The following TRAPPC2 variants were observed in gnomAD, a reference collection of about 807,000 sequenced individuals.
TRAPPC2 encodes the protein trafficking protein particle complex subunit 2, also known as sedlin.
A neutral mutation model predicts 10.0 loss-of-function variants in TRAPPC2; 4 were observed. The ratio of observed to expected loss-of-function variants is 0.40; its 90% CI spans 0.20 to 0.92. The LOEUF is 0.92. TRAPPC2 is among the 40% of genes least tolerant of loss of function. The pLI is 0.35. For synonymous variants in TRAPPC2, 36 were observed against 37.3 expected, an observed-to-expected ratio of 0.97 and a Z score of 0.12; for missense variants, 52 against 108.7, an observed-to-expected ratio of 0.48 and a Z score of 2.32.
rs184171082 is a variant in TRAPPC2, at chrX:13,730,016, G to A, written c.-20+4028C>T. Among the ~76,000 whole-genome samples, 310 of 111,953 alleles carry A rather than the reference G, an allele frequency of 2.8e-3. 6 individuals carry two copies. The Admixed American group carries it at 0.029, about 11-fold the overall frequency. Reference sequence around the variant, plus strand: ...CATTCAGGACACAGGCATGGGCAAGGACTTCATGACTAAAACACCAAAAGC... The same window carrying A: ...CATTCAGGACACAGGCATGGGCAAGAACTTCATGACTAAAACACCAAAAGC... On this transcript the variant is annotated intron_variant, in intron 2 of 5. Coordinates refer to ENST00000380579, the MANE Select transcript of TRAPPC2 (RefSeq NM_001011658.4).
chrX:13,730,102 G>A (rs1383522435), intron 2 of TRAPPC2, among the ~76,000 whole-genome samples: 4 of 110,717 alleles, frequency 3.6e-5, no homozygotes, highest in African/African-American at 9.9e-5. Context: ...GCTTCTGCAC[G>A]GCAAAAGAAA....
At chrX:13,728,492 A>T in intron 2 of TRAPPC2, among the ~76,000 whole-genome samples, 1 of 112,355 alleles carries the variant, frequency 8.9e-6, no homozygotes. Flanking sequence ...AGAACCAACG[A>T]CAAAATCCAC....
chrX:13,713,458 C>T lies in TRAPPC2; in HGVS notation c.*949G>A, dbSNP rs2106707. Reference sequence around the variant, plus strand: ...GGAGCAAGACTCCATCTCAAAAAAACAAAAAACAAAAAACAAAAACAAAAA... The same window carrying T: ...GGAGCAAGACTCCATCTCAAAAAAATAAAAAACAAAAAACAAAAACAAAAA... On this transcript the variant is annotated 3_prime_UTR_variant, in exon 6 of 6. Transcript: ENST00000380579. 15 of 30,957 alleles carry T rather than the reference C, an allele frequency of 4.8e-4. No homozygotes were observed. The highest frequency in any genetic ancestry group is 1.7e-3 in the African/African-American group (15 of 8,665). 2.6% of individuals were successfully genotyped at this position (30,957 alleles called of 1,213,427 possible). A position where few individuals can be genotyped will look rare whatever the true frequency, so the allele number is the denominator to read the frequency against.
chrX:13,733,377 A>T (rs2046723667), intron 2 of TRAPPC2, among the ~76,000 whole-genome samples: 1 of 110,939 alleles, frequency 9.0e-6, no homozygotes, highest in Non-Finnish European at 1.9e-5. Context: ...TCCCAAATTC[A>T]CTTTGACTAT....
chrX:13,729,685 T>C (rs1197487929), intron 2 of TRAPPC2, among the ~76,000 whole-genome samples: 1 of 111,543 alleles, frequency 9.0e-6, no homozygotes, highest in Admixed American at 9.5e-5. Context: ...GAGGTGGTCA[T>C]ATCACCTGAG....
chrX:13,732,900 T>G (rs2046706750), intron 2 of TRAPPC2, among the ~76,000 whole-genome samples: 1 of 112,953 alleles, frequency 8.9e-6, no homozygotes, highest in Admixed American at 9.3e-5. Flanking sequence ...ATTTCAGTTG[T>G]TCCATAAACC....
At chrX:13,726,342 G>C (rs2046551092) in intron 2 of TRAPPC2, among the ~76,000 whole-genome samples, 1 of 111,837 alleles carries the variant, frequency 8.9e-6, no homozygotes, top group African/African-American at 3.3e-5. Context: ...GGAAAAAAAT[G>C]TTAAGGGCAG....
intron 3 of TRAPPC2, among the ~76,000 whole-genome samples, chrX:13,717,936 A>G (rs1361941663): frequency 2.7e-5 from 3 of 111,821 alleles, no homozygotes; most frequent in Non-Finnish European, 5.6e-5. Flanking sequence ...GGACTGGTGT[A>G]TTTAGAAAAA....
intron 2 of TRAPPC2, among the ~76,000 whole-genome samples, chrX:13,725,647 G>A (rs1273649118): frequency 2.7e-5 from 3 of 112,520 alleles, no homozygotes; most frequent in Non-Finnish European, 5.6e-5. Flanking sequence ...ACAAAGATGG[G>A]GAGGAACCAA....
chrX:13,722,786 A>G lies in TRAPPC2; in HGVS notation c.-19-2804T>C, dbSNP rs763438778. 8.9e-5 allele frequency among the ~76,000 whole-genome samples: 10 copies of G among 111,859 alleles called. No individual in the cohort carries two copies. The South Asian group carries it at 1.5e-3, about 17-fold the overall frequency. ...ATTAGAAATGTGGCTAGTGTAGGCCAGGCGCGGTGGCTCACGCCTGTAATC... is the reference window on the plus strand; with the variant it reads ...ATTAGAAATGTGGCTAGTGTAGGCCGGGCGCGGTGGCTCACGCCTGTAATC... On this transcript the variant is annotated intron_variant, in intron 2 of 5. Transcript: ENST00000380579.
intron 2 of TRAPPC2, chrX:13,722,085 A>C (rs1333518624): frequency 2.7e-5 from 3 of 109,227 alleles, no homozygotes; most frequent in Non-Finnish European, 5.7e-5. Context: ...GAAGGGAAGG[A>C]CAGGGAGTTG....
chrX:13,727,977 C>T lies in TRAPPC2; in HGVS notation c.-20+6067G>A, dbSNP rs141024411. On this transcript the variant is annotated intron_variant, in intron 2 of 5. Coordinates refer to ENST00000380579, the MANE Select transcript of TRAPPC2 (RefSeq NM_001011658.4). Reference sequence around the variant, plus strand: ...TCAGAGAATACTATAAACACCTCTACGCAAATAAACTGGAAAATCTAGAAG... The same window carrying T: ...TCAGAGAATACTATAAACACCTCTATGCAAATAAACTGGAAAATCTAGAAG... 7.1e-3 allele frequency among the ~76,000 whole-genome samples: 798 copies of T among 111,977 alleles called. 7 individuals carry two copies. Among genetic ancestry groups the T allele is most frequent in the African/African-American group, 0.024 (742 of 30,841 alleles).
At chrX:13,718,757 G>A (rs776239348) in intron 3 of TRAPPC2, among the ~76,000 whole-genome samples, 4 of 111,973 alleles carry the variant, frequency 3.6e-5, no homozygotes, top group Non-Finnish European at 7.5e-5. Flanking sequence ...ATTCCTTAAA[G>A]GACATTAAAG....
chrX:13,712,629 A>G lies in TRAPPC2; in HGVS notation c.*1778T>C, dbSNP rs2046232464. 1 of 112,064 alleles carries G rather than the reference A, an allele frequency of 8.9e-6. No homozygotes were observed. Among genetic ancestry groups the G allele is most frequent in the Non-Finnish European group, 1.9e-5 (1 of 53,227 alleles). The allele number at this position is 112,064 out of a possible 1,213,427, so 9.2% of individuals were successfully genotyped here. ...GAAATATAAGAATATAAAGTGACAG[A>G]AGCAACACACTTCACTGTGGCCTGC... On this transcript the variant is annotated 3_prime_UTR_variant, in exon 6 of 6. Transcript: ENST00000380579.
chrX:13,714,745 G>A (rs1377362290), intron 5 of TRAPPC2, among the ~76,000 whole-genome samples: 1 of 111,899 alleles, frequency 8.9e-6, no homozygotes, highest in East Asian at 2.8e-4. Flanking sequence ...GATAAATGTT[G>A]CCTGTGTCAG....
At chrX:13,715,688 C>A in intron 5 of TRAPPC2, 1 of 454,808 alleles carries the variant, frequency 2.2e-6, no homozygotes, top group Non-Finnish European at 2.8e-6. Context: ...AGTAATTTTC[C>A]CTTATATAGG....
intron 2 of TRAPPC2, among the ~76,000 whole-genome samples, chrX:13,733,143 A>AT (rs76965829): frequency 0.021 from 2,203 of 105,933 alleles, 25 homozygotes; most frequent in Middle Eastern, 0.044. Flanking sequence ...CTTCAGGAAC[A>AT]TTTTTTTTTT....
intron 4 of TRAPPC2, 55 bp from the exon 5 acceptor site, chrX:13,716,144 T>C: frequency 5.5e-6 from 6 of 1,100,670 alleles, no homozygotes; most frequent in Non-Finnish European, 7.3e-6. Flanking sequence ...AAGCAACCAG[T>C]TCGTTGATAC....
In TRAPPC2 at chrX:13,714,143, G is replaced by GAAAAA. The variant is rs1057515794; in HGVS notation, c.*259_*263dup. The GAAAAA allele has an allele frequency of 8.0e-5, 5 of 62,667 alleles. No homozygotes were observed. Among genetic ancestry groups the GAAAAA allele is most frequent in the African/African-American group, 1.3e-4 (2 of 15,136 alleles). The allele number at this position is 62,667 out of a possible 1,213,427, so 5.2% of individuals were successfully genotyped here. A position where few individuals can be genotyped will look rare whatever the true frequency, so the allele number is the denominator to read the frequency against. Reference sequence around the variant, plus strand: ...GGCAACAGAGTGAGACTCTGTATCAGAAAAAAAAAAAAAAAAAAAACATGA... The same window carrying GAAAAA: ...GGCAACAGAGTGAGACTCTGTATCAGAAAAAAAAAAAAAAAAAAAAAAAAACATGA... On this transcript the variant is annotated 3_prime_UTR_variant, in exon 6 of 6. Transcript: ENST00000380579.
Sources: gnomAD v4.1 joint callset for allele counts (sites outside exome capture counted in the v4.1 genomes callset) on GRCh38, gnomAD v4.1.1 for gene constraint, MANE v1.5 for transcripts, NCBI Gene and HGNC (gene_info 2026-07-23, HGNC 2026-07-21) for gene names.